The following INTS6 variants were observed in gnomAD, a reference collection of about 807,000 sequenced individuals.
INTS6 encodes the protein DEAD box protein.
Under a neutral mutation model 104.9 loss-of-function variants are expected in INTS6, and 16 were observed. The ratio of observed to expected loss-of-function variants is 0.15; its 90% CI spans 0.10 to 0.23. The LOEUF is 0.23. INTS6 is among the 10% of genes least tolerant of loss of function. The pLI is 1.00. For missense variants in INTS6, 584 were observed against 1,062.8 expected (o/e 0.55, Z 6.26); for synonymous variants, 324 against 358.7 (o/e 0.90, Z 1.09).
chr13:51,335,133 A>G, the INTS6 span, among the ~76,000 whole-genome samples: 1 of 152,322 alleles, frequency 6.6e-6, no homozygotes, highest in African/African-American at 2.4e-5. Context: ...GTCACTACAC[A>G]TCAGTGGCAA....
Position 51,397,718 on chromosome 13 carries a change from C to T in INTS6, c.430-2235G>A, listed in dbSNP as rs564308278. Among the ~76,000 whole-genome samples, 8 of 152,204 alleles carry T rather than the reference C, an allele frequency of 5.3e-5. No individual in the cohort carries two copies. In the East Asian group the frequency reaches 7.7e-4, roughly 15 times the overall value. On this transcript the variant is annotated intron_variant, in intron 4 of 17. Transcript: ENST00000311234. ...AAATGTCAAAGCACCAGTGGTACTG[C>T]GTGAAGTTTCAACTGTTAATGCAGT...
rs1416992887 is a variant in INTS6 at position 51,364,287 on chromosome 13, A to G, written c.*1465T>C. The G allele has an allele frequency of 2.1e-6, 3 of 1,453,144 alleles. No individual in the cohort carries two copies. Among genetic ancestry groups the G allele is most frequent in the African/African-American group, 1.4e-5 (1 of 70,828 alleles). The allele number at this position is 1,453,144 out of a possible 1,614,324, so 90.0% of individuals were successfully genotyped here. A position where few individuals can be genotyped will look rare whatever the true frequency, so the allele number is the denominator to read the frequency against. On this transcript the variant is annotated 3_prime_UTR_variant, in exon 18 of 18. Transcript: ENST00000311234. ...GTTTCAAATCCCCTAGACTAAATGC[A>G]TGTTCTCCACTTTCATCAATGCTTT...
At chr13:51,404,598 C>G (rs1956523520) in intron 4 of INTS6, among the ~76,000 whole-genome samples, 1 of 152,158 alleles carries the variant, frequency 6.6e-6, no homozygotes, top group Non-Finnish European at 1.5e-5. Context: ...AAGATGTATA[C>G]TGAGAATTTA....
the INTS6 span, among the ~76,000 whole-genome samples, chr13:51,336,986 G>GAC: frequency 6.6e-6 from 1 of 152,260 alleles, no homozygotes; most frequent in Non-Finnish European, 1.5e-5. Flanking sequence ...TTCCTGGAAG[G>GAC]ACAGGTGGAG....
intron 7 of INTS6, chr13:51,384,475 AGTTACTGCTTATACCCTG>A: frequency 2.8e-6 from 1 of 354,368 alleles, no homozygotes; most frequent in Admixed American, 3.8e-5. Context: ...TATTGGCCTC[AGTTACTGCTTATACCCTG>A]GTGGTTCACA....
intron 17 of INTS6, among the ~76,000 whole-genome samples, chr13:51,366,748 A>T (rs1300543376): frequency 6.6e-6 from 1 of 151,978 alleles, no homozygotes. Flanking sequence ...TAGCCACTCC[A>T]AAAGTACAAA....
At chr13:51,353,534 T>G (rs545159473), downstream of INTS6, among the ~76,000 whole-genome samples, 2 of 152,342 alleles carry the variant, frequency 1.3e-5, no homozygotes, top group East Asian at 3.9e-4. Flanking sequence ...AACTCAGGCA[T>G]TGGATTCCCA....
chr13:51,401,455 A>G (rs1482356600), intron 4 of INTS6, among the ~76,000 whole-genome samples: 1 of 152,114 alleles, frequency 6.6e-6, no homozygotes, highest in African/African-American at 2.4e-5. Context: ...TAGGATTTTT[A>G]TTTCTGAACA....
intron 7 of INTS6, chr13:51,385,328 A>G (rs1956123753): frequency 6.6e-6 from 1 of 152,228 alleles, no homozygotes; most frequent in Admixed American, 6.5e-5. Flanking sequence ...CGTGTCTGAC[A>G]TGCCCATAGA....
chr13:51,429,885 G>A (rs1957060911), intron 4 of INTS6, among the ~76,000 whole-genome samples: 2 of 148,610 alleles, frequency 1.3e-5, no homozygotes, highest in Admixed American at 6.8e-5. Flanking sequence ...CCTCTTCTTG[G>A]CTTTGCTATA....
At chr13:51,424,447 TC>T (rs1464695395) in intron 4 of INTS6, among the ~76,000 whole-genome samples, 1 of 152,022 alleles carries the variant, frequency 6.6e-6, no homozygotes, top group East Asian at 1.9e-4. Context: ...TTGAAATATT[TC>T]ATCAACTTCT....
chr13:51,378,705 AT>A (rs1349821804), intron 11 of INTS6, among the ~76,000 whole-genome samples: 2 of 152,030 alleles, frequency 1.3e-5, no homozygotes, highest in Non-Finnish European at 2.9e-5. Context: ...TTATTATTTT[AT>A]TTATTAATAC....
downstream of INTS6, among the ~76,000 whole-genome samples, chr13:51,350,490 A>G (rs139501290): frequency 1.6e-3 from 250 of 152,318 alleles, no homozygotes; most frequent in African/African-American, 5.9e-3. Flanking sequence ...GAGCATGAGC[A>G]TGTTTTGATA....
At chr13:51,385,530 TTTTG>T (rs555921941) in intron 7 of INTS6, among the ~76,000 whole-genome samples, 2 of 151,828 alleles carry the variant, frequency 1.3e-5, no homozygotes, top group Non-Finnish European at 2.9e-5. Flanking sequence ...GCATATATGA[TTTTG>T]TTTAATTCCC....
chr13:51,362,063 CG>C lies in INTS6; in HGVS notation c.*3688del. ...TCTATCCTAAGAAAGGGGACTATTT[CG>C]TAAGTACAAAGGAAACTTATCCTCC... On this transcript the variant is annotated 3_prime_UTR_variant, in exon 18 of 18. Coordinates refer to ENST00000311234, the MANE Select transcript of INTS6 (RefSeq NM_012141.3). 1 of 1,570,612 alleles carries C rather than the reference CG, an allele frequency of 6.4e-7. No individual in the cohort carries two copies. Among genetic ancestry groups the C allele is most frequent in the Middle Eastern group, 1.7e-4 (1 of 5,920 alleles).
downstream of INTS6, chr13:51,361,245 G>A (rs372548765): frequency 3.0e-5 from 41 of 1,380,290 alleles, no homozygotes; most frequent in African/African-American, 5.8e-4. Context: ...ATGTTAATGA[G>A]CAACTCACAT....
At chr13:51,439,456 T>C (rs915576514) in intron 3 of INTS6, 2 of 152,162 alleles carry the variant, frequency 1.3e-5, no homozygotes, top group Non-Finnish European at 2.9e-5. Flanking sequence ...TCTCTCCATA[T>C]ACCAATAATC....
chr13:51,375,734 G>GGGGT (rs1555283831), intron 13 of INTS6, among the ~76,000 whole-genome samples: 2 of 147,560 alleles, frequency 1.4e-5, no homozygotes, highest in African/African-American at 2.4e-5. Flanking sequence ...TTGATAAGTG[G>GGGGT]GTGTGTGTGT....
chr13:51,372,255 G>C (rs1345343651), intron 15 of INTS6, among the ~76,000 whole-genome samples: 4 of 150,276 alleles, frequency 2.7e-5, no homozygotes, highest in Non-Finnish European at 5.9e-5. Flanking sequence ...AACTGCTCTT[G>C]CTAAGATCGC....
Sources: allele counts gnomAD v4.1 joint callset (sites outside exome capture counted in the v4.1 genomes callset), GRCh38; gene constraint gnomAD v4.1.1; transcripts MANE v1.5; gene names NCBI Gene and HGNC (gene_info 2026-07-23, HGNC 2026-07-21).